Variants in CDC34 observed in about 807,000 individuals in gnomAD.
CDC34 encodes the protein cell division cycle 34, ubiquitin conjugating enzyme, also known as ubiquitin-conjugating enzyme E2 R1.
In CDC34, 18 loss-of-function variants were observed where a neutral mutation model predicts 26.8. The ratio of observed to expected loss-of-function variants is 0.67; its 90% CI spans 0.47 to 1.00. CDC34 has a LOEUF of 1.00. CDC34 is among the 50% of genes least tolerant of loss of function. The probability of loss-of-function intolerance (pLI) is 0.00; values close to 1 mark genes in which losing one functional copy is unlikely to be tolerated. For missense variants in CDC34, 280 were observed against 334.5 expected (o/e 0.84, Z 1.27); for synonymous variants, 178 against 147.5 (o/e 1.21, Z -1.50).
intron 3 of CDC34, chr19:536,635 T>C: frequency 1.9e-6 from 1 of 536,530 alleles, no homozygotes; most frequent in Non-Finnish European, 3.4e-6. Flanking sequence ...GCCTTCTCCT[T>C]ACCCAGCCGT....
Position 536,319 on chromosome 19 carries a change from G to C in CDC34, c.341G>C (p.Trp114Ser). 1 of 1,612,202 alleles carries C rather than the reference G, an allele frequency of 6.2e-7. No homozygotes were observed. Among genetic ancestry groups the C allele is most frequent in the Non-Finnish European group, 8.5e-7 (1 of 1,179,626 alleles). The change falls in exon 3 of 5, where the codon TGG becomes TCG. Residue 114 changes from tryptophan (W) to serine (S), a missense_variant. Coordinates refer to ENST00000215574, the MANE Select transcript of CDC34 (RefSeq NM_004359.2). ...AGCGGGGAGCTGCCCTCAGAGAGGT[G>C]GAACCCCACGCAGAACGTCAGGTAA... ...PQSGELPSER[W>S]NPTQNVRTIL...
At chr19:539,413 G>A (rs1378906771) in intron 4 of CDC34, among the ~76,000 whole-genome samples, 1 of 150,518 alleles carries the variant, frequency 6.6e-6, no homozygotes, top group East Asian at 2.0e-4. Context: ...GTGCAGTGCC[G>A]TCCCCGGGGC....
chr19:538,392 C>T (rs531081404), intron 4 of CDC34, among the ~76,000 whole-genome samples: 1 of 152,366 alleles, frequency 6.6e-6, no homozygotes, highest in South Asian at 2.1e-4. Context: ...AGAGCTGAGC[C>T]CCACAGCCCC....
chr19:538,535 AT>A (rs34635182), intron 4 of CDC34: 110,301 of 168,548 alleles, frequency 0.65, 39,725 homozygotes, highest in East Asian at 0.82. Flanking sequence ...CTTCCTATCC[AT>A]TTTTTTTTTT....
Position 531,802 on chromosome 19 carries a change from C to A in CDC34, c.-130C>A. On this transcript the variant is annotated 5_prime_UTR_variant, in exon 1 of 5. Transcript: ENST00000215574. ...CGGGGTCCCCGGGCGGCGGCGGCGG[C>A]GCAGAGGAGGAGGCAGGCGGCGGCC... 3.2e-6 allele frequency: 1 copy of A among 315,456 alleles called. No individual in the cohort carries two copies. Among genetic ancestry groups the A allele is most frequent in the Non-Finnish European group, 4.7e-6 (1 of 211,486 alleles). 19.5% of individuals were successfully genotyped at this position (315,456 alleles called of 1,614,324 possible).
At chr19:536,545 G>T in intron 3 of CDC34, 1 of 588,558 alleles carries the variant, frequency 1.7e-6, no homozygotes, top group Non-Finnish European at 3.0e-6. Flanking sequence ...CCGTGTGTCG[G>T]TGCAGACTCC....
Position 536,449 on chromosome 19 carries a change from G to A in CDC34, c.362+109G>A, listed in dbSNP as rs541148059. 255 of 822,832 alleles carry A rather than the reference G, an allele frequency of 3.1e-4. 2 individuals are homozygous for A. The East Asian group carries it at 5.3e-3, about 17-fold the overall frequency. 51.0% of individuals were successfully genotyped at this position (822,832 alleles called of 1,614,324 possible). A position where few individuals can be genotyped will look rare whatever the true frequency, so the allele number is the denominator to read the frequency against. On this transcript the variant is annotated intron_variant, in intron 3 of 4. Transcript: ENST00000215574. ...GCCGGGCTCCCCCACAGGCTGTGGC[G>A]CCAAGGCCTGATTCGGGACCTGCCA...
intron 4 of CDC34, 107 bp downstream of exon 4, chr19:537,254 A>G: frequency 7.6e-7 from 1 of 1,318,420 alleles, no homozygotes; most frequent in Non-Finnish European, 1.1e-6. Flanking sequence ...AGGGTGGCGG[A>G]GCTTCCTGGT....
intron 4 of CDC34, among the ~76,000 whole-genome samples, chr19:540,804 C>CA (rs200004159): frequency 0.014 from 152 of 10,664 alleles, 20 homozygotes; most frequent in Admixed American, 0.027. Flanking sequence ...CCAGGCCCCC[C>CA]GGTTTAGAAT....
chr19:535,728 C>T lies in CDC34; in HGVS notation c.178-109C>T, dbSNP rs1979707743. Reference sequence around the variant, plus strand: ...TGGGCAGGATACGGTGTCCCTCACACACACCCTCAGGCACCAGCACTGGGA... The same window carrying T: ...TGGGCAGGATACGGTGTCCCTCACATACACCCTCAGGCACCAGCACTGGGA... On this transcript the variant is annotated intron_variant, in intron 1 of 4. Transcript: ENST00000215574. The T allele has an allele frequency of 4.7e-6, 4 of 847,676 alleles. No homozygotes were observed. In the Admixed American group the frequency reaches 6.9e-5, roughly 15 times the overall value. 52.5% of individuals were successfully genotyped at this position (847,676 alleles called of 1,614,324 possible).
At chr19:537,232 A>T in intron 4 of CDC34, 85 bp downstream of exon 4, 1 of 1,503,264 alleles carries the variant, frequency 6.7e-7, no homozygotes, top group Non-Finnish European at 9.1e-7. Context: ...GCCCAGCCCC[A>T]CCTTCCTGGT....
At chr19:534,926 C>G (rs2145847140) in intron 1 of CDC34, among the ~76,000 whole-genome samples, 1 of 152,350 alleles carries the variant, frequency 6.6e-6, no homozygotes, top group African/African-American at 2.4e-5. Flanking sequence ...GTCCAGGCTT[C>G]CACCACGATC....
In CDC34 at chr19:539,490, G is replaced by A. The variant is rs562542475; in HGVS notation, c.498-1849G>A. Among the ~76,000 whole-genome samples, 1,010 of 152,280 alleles carry A rather than the reference G, an allele frequency of 6.6e-3. 18 individuals carry two copies. The highest frequency in any genetic ancestry group is 0.023 in the African/African-American group (952 of 41,558). On this transcript the variant is annotated intron_variant, in intron 4 of 4. Transcript: ENST00000215574. ...CAAAGCTTGGCGTCCGCTGGGTCCC[G>A]CCACCCAGGGACGTCCCTGAGGCCA...
chr19:538,743 TC>T, intron 4 of CDC34: 1 of 985,402 alleles, frequency 1.0e-6, no homozygotes, highest in Non-Finnish European at 1.2e-6. Flanking sequence ...TGGGGTCATC[TC>T]GGGGCAGCAT....
chr19:537,908 C>T (rs1259273059), intron 4 of CDC34, among the ~76,000 whole-genome samples: 7 of 152,198 alleles, frequency 4.6e-5, no homozygotes, highest in Admixed American at 3.3e-4. Context: ...CCACCCGCCT[C>T]GGCCTCCCAA....
rs768984358 is a variant in CDC34, at chr19:537,064, G to A, written c.414G>A (p.Ser138=). Residue 138 remains serine (S), a synonymous_variant, in exon 4 of 5, where the codon TCG becomes TCA. Coordinates refer to ENST00000215574, the MANE Select transcript of CDC34 (RefSeq NM_004359.2). The stretch of plus-strand genomic sequence containing the variant: ...TCCTGAACGAGCCCAACACCTTCTC[G>A]CCCGCAAACGTGGACGCCTCCGTGA... ...ISLLNEPNTF[S]PANVDASVMY... The A allele has an allele frequency of 1.7e-5, 28 of 1,613,784 alleles. No individual in the cohort carries two copies. The highest frequency in any genetic ancestry group is 9.3e-5 in the African/African-American group (7 of 74,938).
chr19:538,774 G>A lies in CDC34; in HGVS notation c.497+1627G>A, dbSNP rs1005064732. On this transcript the variant is annotated intron_variant, in intron 4 of 4. Transcript: ENST00000215574. ...CAGCATCCTGGTGCTGGGCGGTCTCGGCTCTGAGCAGCCATGGTGGGCGGG... is the reference window on the plus strand; with the variant it reads ...CAGCATCCTGGTGCTGGGCGGTCTCAGCTCTGAGCAGCCATGGTGGGCGGG... 4.6e-5 allele frequency: 45 copies of A among 985,240 alleles called. No homozygotes were observed. In the Admixed American group the frequency reaches 1.9e-3, roughly 42 times the overall value. The allele number at this position is 985,240 out of a possible 1,614,324, so 61.0% of individuals were successfully genotyped here. A position where few individuals can be genotyped will look rare whatever the true frequency, so the allele number is the denominator to read the frequency against.
At chr19:537,632 G>A (rs74450144) in intron 4 of CDC34, among the ~76,000 whole-genome samples, 13 of 143,086 alleles carry the variant, frequency 9.1e-5, no homozygotes, top group African/African-American at 3.0e-4. Flanking sequence ...GATTACAGGC[G>A]TGAGCCACCG....
intron 3 of CDC34, 145 bp from the exon 4 acceptor site, chr19:536,868 G>A: frequency 2.4e-6 from 2 of 835,444 alleles, no homozygotes; most frequent in Non-Finnish European, 3.8e-6. Flanking sequence ...TGTTCTGGGG[G>A]CCTGAGACAG....
Sources: gnomAD v4.1 joint callset for allele counts (sites outside exome capture counted in the v4.1 genomes callset) on GRCh38, gnomAD v4.1.1 for gene constraint, MANE v1.5 for transcripts, NCBI Gene and HGNC (gene_info 2026-07-23, HGNC 2026-07-21) for gene names.